The following ZSCAN2 variants were observed in gnomAD, a reference collection of about 807,000 sequenced individuals.
ZSCAN2 encodes zinc finger and SCAN domain-containing protein 2.
A neutral mutation model predicts 47.8 loss-of-function variants in ZSCAN2; 26 were observed. The ratio of observed to expected loss-of-function variants is 0.54; its 90% confidence interval spans 0.40 to 0.75. The LOEUF (loss-of-function observed/expected upper bound fraction) is 0.75, where lower values mean the gene tolerates loss of function less well. Among genes scored for constraint, ZSCAN2 ranks in the 30% least tolerant of loss-of-function variants. The pLI, the probability that ZSCAN2 is intolerant of heterozygous loss-of-function variation, is 0.00. For synonymous variants in ZSCAN2, 305 were observed against 288.7 expected, an observed-to-expected ratio of 1.06 and a Z score of -0.57; for missense variants, 732 against 785.4, an observed-to-expected ratio of 0.93 and a Z score of 0.81.
rs1334864219 is a variant in ZSCAN2, at chr15:84,622,284, T to C, written c.*244T>C. On this transcript the variant is annotated 3_prime_UTR_variant, in exon 3 of 3. Coordinates refer to ENST00000546148, the MANE Select transcript of ZSCAN2 (RefSeq NM_181877.4). ...GAAAGTTGGGTCTTTTTCCCTTACA[T>C]TGGGTGACTTGATTGGCCCCCTCTC... 5.2e-6 allele frequency: 3 copies of C among 572,766 alleles called. No homozygotes were observed. In the East Asian group the frequency reaches 9.0e-5, roughly 17 times the overall value. 35.5% of individuals were successfully genotyped at this position (572,766 alleles called of 1,614,324 possible).
intron 2 of ZSCAN2, among the ~76,000 whole-genome samples, chr15:84,615,876 G>T (rs779077006): frequency 6.6e-6 from 1 of 151,804 alleles, no homozygotes; most frequent in Non-Finnish European, 1.5e-5. Context: ...CTTCTCTGTG[G>T]TATTCCTTTA....
rs1895833158 is a variant in ZSCAN2, at chr15:84,622,214, A to G, written c.*174A>G. ...ACTGTCATTTTAGTGGTCTGAGTCA[A>G]GTCCCGTATACATTCAAGAACAGGG... On this transcript the variant is annotated 3_prime_UTR_variant, in exon 3 of 3. Transcript: ENST00000546148. 1.5e-6 allele frequency: 1 copy of G among 649,896 alleles called. No individual in the cohort carries two copies. The highest frequency in any genetic ancestry group is 2.7e-6 in the Non-Finnish European group (1 of 369,780). 40.3% of individuals were successfully genotyped at this position (649,896 alleles called of 1,614,324 possible).
intron 1 of ZSCAN2, chr15:84,602,282 T>A (rs2141752576): frequency 6.6e-6 from 1 of 152,318 alleles, no homozygotes; most frequent in South Asian, 2.1e-4. Flanking sequence ...ATTGAGGACT[T>A]ACTGTGTCTA....
chr15:84,621,973 A>G lies in ZSCAN2; in HGVS notation c.1778A>G (p.Lys593Arg), dbSNP rs1212304590. 1.9e-6 allele frequency: 3 copies of G among 1,614,064 alleles called. No homozygotes were observed. Among genetic ancestry groups the G allele is most frequent in the African/African-American group, 2.7e-5 (2 of 74,944 alleles). Residue 593 changes from lysine to arginine, a missense_variant, in exon 3 of 3, where the codon AAA becomes AGA. By Grantham distance (26) the Lys-to-Arg change is conservative. This residue lies in a region of ZSCAN2 where 412 missense variants were observed against 498.0 expected (regional missense o/e 0.83). Transcript: ENST00000546148. The surrounding 1 kb of genome is among the most constrained non-coding windows in gnomAD (Gnocchi z 5.7). Reference protein sequence around the residue: ...EKPYKCPECGKGFSNSSNFIT... With the variant: ...EKPYKCPECGRGFSNSSNFIT... ...CCCTACAAATGCCCCGAGTGTGGCA[A>G]AGGCTTCAGCAACAGCTCTAACTTT...
chr15:84,603,179 T>G (rs113928893), intron 1 of ZSCAN2, among the ~76,000 whole-genome samples: 52 of 152,218 alleles, frequency 3.4e-4, no homozygotes, highest in African/African-American at 1.2e-3. Flanking sequence ...GTTATTATCT[T>G]TATTAGGTGG....
chr15:84,616,759 C>G (rs2141790552), intron 2 of ZSCAN2: 1 of 908,070 alleles, frequency 1.1e-6, no homozygotes, highest in South Asian at 5.0e-5. Context: ...AAAAATTAAT[C>G]AGGGTCTTGG....
chr15:84,621,120 G>T lies in ZSCAN2; in HGVS notation c.925G>T (p.Ala309Ser). 1.2e-6 allele frequency: 2 copies of T among 1,613,412 alleles called. No homozygotes were observed. The highest frequency in any genetic ancestry group is 1.7e-6 in the Non-Finnish European group (2 of 1,179,768). The stretch of plus-strand genomic sequence containing the variant: ...CACGGGGGAAAAGCCCTTCCAGTGT[G>T]CCGAGTGTGGCAAGAGCTTCAGCAG... ...IHTGEKPFQC[A>S]ECGKSFSRSP... is the part of the protein sequence containing the mutation. The change falls in exon 3 of 3, where the codon GCC becomes TCC. Residue 309 changes from alanine to serine, a missense_variant. Transcript: ENST00000546148. This position sits in a 1 kb window ranked among gnomAD's most constrained non-coding sequence, Gnocchi z 5.7.
rs375266737 is a variant in ZSCAN2, at chr15:84,603,977, T to G, written c.50T>G (p.Val17Gly). 8.1e-6 allele frequency: 13 copies of G among 1,613,692 alleles called. No individual in the cohort carries two copies. The highest frequency in any genetic ancestry group is 1.1e-5 in the Non-Finnish European group (13 of 1,179,948). Reference sequence around the variant, plus strand: ...GTGACCACTCCGCTGAGCTCCTTGGTCCAGGTGCCTCAAGAGGAAGATAGA... The same window carrying G: ...GTGACCACTCCGCTGAGCTCCTTGGGCCAGGTGCCTCAAGAGGAAGATAGA... ...PRVTTPLSSL[V>G]QVPQEEDRQE... Residue 17 changes from valine (V) to glycine (G), a missense_variant, in exon 2 of 3, where the codon GTC becomes GGC. Physicochemically the swap from Val to Gly is moderately radical, Grantham distance 109 (BLOSUM62 -3). Coordinates refer to ENST00000546148, the MANE Select transcript of ZSCAN2 (RefSeq NM_181877.4).
chr15:84,603,173 T>C (rs1367858110), intron 1 of ZSCAN2, among the ~76,000 whole-genome samples: 6 of 152,122 alleles, frequency 3.9e-5, no homozygotes, highest in African/African-American at 1.4e-4. Context: ...ATGAGTGTTA[T>C]TATCTTTATT....
intron 1 of ZSCAN2, among the ~76,000 whole-genome samples, chr15:84,601,416 A>C (rs1370282529): frequency 6.6e-6 from 1 of 151,976 alleles, no homozygotes; most frequent in East Asian, 1.9e-4. Context: ...CGCAGCGTAC[A>C]CGTTTTACAG....
Position 84,623,134 on chromosome 15 carries a change from C to T in ZSCAN2, c.*1094C>T, listed in dbSNP as rs1321922541. 1.9e-5 allele frequency: 3 copies of T among 157,992 alleles called. No individual in the cohort carries two copies. Among genetic ancestry groups the T allele is most frequent in the African/African-American group, 7.2e-5 (3 of 41,474 alleles). The allele number at this position is 157,992 out of a possible 1,614,324, so 9.8% of individuals were successfully genotyped here. On this transcript the variant is annotated 3_prime_UTR_variant, in exon 3 of 3. Transcript: ENST00000546148. ...ACGGAGTCTCACTCTGTCACCCAGG[C>T]TGGAGTGCAGTGGTGCCATCTCAGC...
rs1023813827 is a variant in ZSCAN2 at position 84,619,968 on chromosome 15, G to A, written c.407-634G>A. ...TTTTCCATCAGCTTTTAGGTTCAGG[G>A]GTACATGTGCAGGATGTGCAGGTTT... On this transcript the variant is annotated intron_variant, in intron 2 of 2. Transcript: ENST00000546148. 9.3e-5 allele frequency among the ~76,000 whole-genome samples: 14 copies of A among 150,812 alleles called. No individual in the cohort carries two copies. In the East Asian group the frequency reaches 2.5e-3, roughly 27 times the overall value.
chr15:84,607,426 T>A (rs1316214889), intron 2 of ZSCAN2, among the ~76,000 whole-genome samples: 1 of 151,920 alleles, frequency 6.6e-6, no homozygotes, highest in East Asian at 1.9e-4. Flanking sequence ...CCTGCAGTCT[T>A]TTCCCACCCC....
At position 84,621,937 on chromosome 15, in the gene ZSCAN2, C is replaced by T; in HGVS notation, c.1742C>T (p.Thr581Ile). The change falls in exon 3 of 3, where the codon ACT becomes ATT. Residue 581 changes from threonine (T) to isoleucine (I), a missense_variant. Transcript: ENST00000546148. The surrounding 1 kb of genome is among the most constrained non-coding windows in gnomAD (Gnocchi z 5.7). ...CTCATTATACATCAGCGAATCCACA[C>T]TGGGGAGAAGCCCTACAAATGCCCC... is the stretch of plus-strand genomic sequence containing the variant. Reference protein sequence around the residue: ...SVLIIHQRIHTGEKPYKCPEC... With the variant: ...SVLIIHQRIHIGEKPYKCPEC... The T allele has an allele frequency of 6.2e-7, 1 of 1,614,158 alleles. No homozygotes were observed. The highest frequency in any genetic ancestry group is 8.5e-7 in the Non-Finnish European group (1 of 1,180,034).
At position 84,623,044 on chromosome 15, in the gene ZSCAN2, C is replaced by T. The variant is rs971549996; in HGVS notation, c.*1004C>T. 2.8e-5 allele frequency: 6 copies of T among 211,232 alleles called. No individual in the cohort carries two copies. Among genetic ancestry groups the T allele is most frequent in the South Asian group, 1.5e-4 (1 of 6,682 alleles). The allele number at this position is 211,232 out of a possible 1,614,324, so 13.1% of individuals were successfully genotyped here. A position where few individuals can be genotyped will look rare whatever the true frequency, so the allele number is the denominator to read the frequency against. On this transcript the variant is annotated 3_prime_UTR_variant, in exon 3 of 3. Transcript: ENST00000546148. ...CTTTTATTTTTTATTTGATATATGCCGAGCTAGAATCCTGTCGGGTAGCTT... is the reference window on the plus strand; with the variant it reads ...CTTTTATTTTTTATTTGATATATGCTGAGCTAGAATCCTGTCGGGTAGCTT...
At chr15:84,616,726 GT>G in intron 2 of ZSCAN2, 3 of 999,968 alleles carry the variant, frequency 3.0e-6, no homozygotes, top group Non-Finnish European at 3.6e-6. Flanking sequence ...CCAAAAAAAT[GT>G]TTTTGGTCAT....
Position 84,604,232 on chromosome 15 carries a change from T to C in ZSCAN2, c.305T>C (p.Leu102Pro). The change falls in exon 2 of 3, where the codon CTG becomes CCG. Residue 102 changes from leucine to proline, a missense_variant. Leu to Pro is a moderately conservative substitution (Grantham distance 98, BLOSUM62 -3). Coordinates refer to ENST00000546148, the MANE Select transcript of ZSCAN2 (RefSeq NM_181877.4). ...VHTKEQMLTM[L>P]PKEIQAWLQE... ...ACCAAGGAGCAGATGTTAACCATGC[T>C]GCCAAAGGAAATTCAGGCTTGGCTG... 6.2e-7 allele frequency: 1 copy of C among 1,614,042 alleles called. No individual in the cohort carries two copies. Among genetic ancestry groups the C allele is most frequent in the Non-Finnish European group, 8.5e-7 (1 of 1,180,012 alleles).
intron 2 of ZSCAN2, among the ~76,000 whole-genome samples, chr15:84,609,457 C>T (rs907990483): frequency 6.6e-6 from 1 of 151,942 alleles, no homozygotes; most frequent in Non-Finnish European, 1.5e-5. Flanking sequence ...CAAAGCACTG[C>T]GATAACAGGA....
At chr15:84,609,321 A>G (rs1254093207) in intron 2 of ZSCAN2, among the ~76,000 whole-genome samples, 3 of 151,082 alleles carry the variant, frequency 2.0e-5, no homozygotes, top group Admixed American at 6.6e-5. Flanking sequence ...TATATCTCAT[A>G]TGATATATAT....
Sources: gnomAD v4.1 joint callset for allele counts (sites outside exome capture counted in the v4.1 genomes callset) on GRCh38, gnomAD v4.1.1 for gene constraint, gnomAD v4.1.1 regional missense constraint, Gnocchi (gnomAD v3.1) non-coding constraint, MANE v1.5 for transcripts, NCBI Gene and HGNC (gene_info 2026-07-23, HGNC 2026-07-21) for gene names.